MTHFD2L: variants seen among roughly 807,000 people sequenced by gnomAD.
MTHFD2L encodes the protein bifunctional methylenetetrahydrofolate dehydrogenase/cyclohydrolase 2, mitochondrial.
In MTHFD2L, 29 loss-of-function variants were observed where a neutral mutation model predicts 34.9. That is an observed-to-expected ratio of 0.83 (90% confidence interval 0.62 to 1.13). The LOEUF is 1.13. Among genes scored for constraint, MTHFD2L ranks in the 50% most tolerant of loss-of-function variants. The pLI is 0.00. For synonymous variants in MTHFD2L, 167 were observed against 155.7 expected (o/e 1.07, Z -0.54); for missense variants, 481 against 446.5 (o/e 1.08, Z -0.70).
chr4:74,255,210 A>G lies in MTHFD2L; in HGVS notation c.806-26215A>G, dbSNP rs528532803. 2.6e-5 allele frequency among the ~76,000 whole-genome samples: 4 copies of G among 151,734 alleles called. No individual in the cohort carries two copies. In the South Asian group the frequency reaches 8.3e-4, roughly 32 times the overall value. On this transcript the variant is annotated intron_variant, in intron 6 of 7. Coordinates refer to ENST00000325278, the MANE Select transcript of MTHFD2L (RefSeq NM_001144978.3). ...ATAAAAAAATGTAAATTGTGACATC[A>G]GTAACATAATTTGTGGGGGAAGGAG...
At chr4:74,153,576 G>A (rs1724072884), upstream of MTHFD2L, among the ~76,000 whole-genome samples, 2 of 152,006 alleles carry the variant, frequency 1.3e-5, no homozygotes, top group South Asian at 4.2e-4. Flanking sequence ...AGCACATTGA[G>A]GATTAAAACA....
chr4:74,158,415 T>G, intron 1 of MTHFD2L, 134 bp downstream of exon 1: 1 of 672,130 alleles, frequency 1.5e-6, no homozygotes, highest in Non-Finnish European at 1.9e-6. Context: ...GAGGACAGCC[T>G]TGTCTGTGAG....
At chr4:74,243,994 A>C (rs377221468) in intron 6 of MTHFD2L, among the ~76,000 whole-genome samples, 12 of 152,296 alleles carry the variant, frequency 7.9e-5, no homozygotes, top group African/African-American at 2.4e-4. Flanking sequence ...ATTTGTTCCT[A>C]CTGTTGTTAT....
intron 6 of MTHFD2L, among the ~76,000 whole-genome samples, chr4:74,229,031 G>C (rs1054376551): frequency 1.3e-5 from 2 of 152,138 alleles, no homozygotes; most frequent in African/African-American, 4.8e-5. Flanking sequence ...CACCTTTAAT[G>C]CCTCTTACTA....
At chr4:74,131,163 A>G (rs1205387180) in intron 1 of MTHFD2L, among the ~76,000 whole-genome samples, 1 of 152,224 alleles carries the variant, frequency 6.6e-6, no homozygotes, top group African/African-American at 2.4e-5. Context: ...ATACTGCCCA[A>G]AGTAATTTAT....
chr4:74,289,232 G>A (rs1748579187), intron 7 of MTHFD2L, among the ~76,000 whole-genome samples: 1 of 152,202 alleles, frequency 6.6e-6, no homozygotes, highest in African/African-American at 2.4e-5. Context: ...GAGAATGGTG[G>A]CATGGAGTTT....
intron 1 of MTHFD2L, among the ~76,000 whole-genome samples, chr4:74,141,241 G>A (rs1005271853): frequency 6.6e-6 from 1 of 152,068 alleles, no homozygotes; most frequent in African/African-American, 2.4e-5. Flanking sequence ...CGAGATAATT[G>A]GCTTAAGCAG....
chr4:74,153,226 C>T (rs1560416099), upstream of MTHFD2L, among the ~76,000 whole-genome samples: 1 of 152,184 alleles, frequency 6.6e-6, no homozygotes, highest in African/African-American at 2.4e-5. Context: ...GATGCCAGTG[C>T]TAACTGTTCA....
intron 7 of MTHFD2L, among the ~76,000 whole-genome samples, 159 bp from the exon 8 acceptor site, chr4:74,301,538 T>C (rs1263555642): frequency 1.3e-5 from 2 of 151,672 alleles, no homozygotes; most frequent in African/African-American, 4.8e-5. Flanking sequence ...TGAGCGTGTG[T>C]GTGTGTGTGT....
intron 1 of MTHFD2L, among the ~76,000 whole-genome samples, chr4:74,142,387 T>A (rs1420561779): frequency 1.3e-5 from 2 of 152,160 alleles, no homozygotes; most frequent in African/African-American, 4.8e-5. Context: ...GCGATTAGTT[T>A]TCCTCTAAGA....
intron 3 of MTHFD2L, among the ~76,000 whole-genome samples, chr4:74,177,728 C>G (rs1460659746): frequency 6.6e-6 from 1 of 151,772 alleles, no homozygotes; most frequent in Non-Finnish European, 1.5e-5. Context: ...ACCGTATGAT[C>G]AAAAAATTCC....
chr4:74,228,399 A>G (rs1227954311), intron 6 of MTHFD2L, among the ~76,000 whole-genome samples: 1 of 152,228 alleles, frequency 6.6e-6, no homozygotes, highest in African/African-American at 2.4e-5. Flanking sequence ...TTATCCTTAA[A>G]AGGTATTATT....
intron 6 of MTHFD2L, among the ~76,000 whole-genome samples, chr4:74,252,456 C>A (rs995143423): frequency 1.9e-4 from 29 of 151,008 alleles, no homozygotes; most frequent in African/African-American, 6.6e-4. Context: ...CAAGTGCAAA[C>A]AAAATGGATT....
chr4:74,252,541 A>C (rs947847929), intron 6 of MTHFD2L, among the ~76,000 whole-genome samples: 2 of 151,618 alleles, frequency 1.3e-5, no homozygotes, highest in Non-Finnish European at 2.9e-5. Flanking sequence ...ATAAAACAAG[A>C]ATATGGGGTT....
At chr4:74,266,742 T>C in intron 6 of MTHFD2L, 3 of 502,724 alleles carry the variant, frequency 6.0e-6, no homozygotes, top group Non-Finnish European at 7.7e-6. Flanking sequence ...AGGTCTCCAC[T>C]TCTCTCCTGT....
At chr4:74,275,595 C>G (rs1287169748) in intron 6 of MTHFD2L, among the ~76,000 whole-genome samples, 1 of 152,116 alleles carries the variant, frequency 6.6e-6, no homozygotes, top group African/African-American at 2.4e-5. Flanking sequence ...TCTCCACTGC[C>G]TCACCAGCAT....
At chr4:74,153,876 A>C, upstream of MTHFD2L, among the ~76,000 whole-genome samples, 1 of 152,334 alleles carries the variant, frequency 6.6e-6, no homozygotes, top group South Asian at 2.1e-4. Context: ...ATTATATGAT[A>C]AAATGAATCT....
At chr4:74,254,584 C>G (rs925070381) in intron 6 of MTHFD2L, among the ~76,000 whole-genome samples, 4 of 34,834 alleles carry the variant, frequency 1.1e-4, no homozygotes, top group African/African-American at 2.7e-4. Context: ...ACTCCCCCAC[C>G]TCCAAAAAAA....
intron 3 of MTHFD2L, chr4:74,180,705 C>T (rs765338656): frequency 2.2e-6 from 1 of 454,928 alleles, no homozygotes; most frequent in Non-Finnish European, 4.4e-6. Context: ...CAACTTTGTT[C>T]AGGATTTGAA....
Sources: allele counts gnomAD v4.1 joint callset (sites outside exome capture counted in the v4.1 genomes callset), GRCh38; gene constraint gnomAD v4.1.1; transcripts MANE v1.5; gene names NCBI Gene and HGNC (gene_info 2026-07-23, HGNC 2026-07-21).